Variants in PARP15 observed in about 807,000 individuals in gnomAD.
The protein encoded by PARP15 is poly(ADP-ribose) polymerase family member 15.
PARP15 carries 50 observed loss-of-function variants against 62.1 expected under a neutral mutation model. That is an observed-to-expected ratio of 0.81 (90% CI 0.64 to 1.02). PARP15 has a LOEUF of 1.02. Among genes scored for constraint, PARP15 ranks in the 50% least tolerant of loss-of-function variants. PARP15 has a pLI of 0.00. For missense variants in PARP15, 820 were observed against 826.5 expected (o/e 0.99, Z 0.10); for synonymous variants, 309 against 293.1 (o/e 1.05, Z -0.55).
At position 122,617,009 on chromosome 3, in the gene PARP15, T is replaced by G. The variant is rs760973375; in HGVS notation, c.851-6T>G. Reference sequence around the variant, plus strand: ...CCCATTCTTTACCTATTTTCTTTCTTTTCAGGTGTGGTCGGGACTGTCTCT... The same window carrying G: ...CCCATTCTTTACCTATTTTCTTTCTGTTCAGGTGTGGTCGGGACTGTCTCT... On this transcript the variant is annotated splice_region_variant and splice_polypyrimidine_tract_variant and intron_variant, in intron 5 of 11. Transcript: ENST00000464300. 1.2e-5 allele frequency: 19 copies of G among 1,613,258 alleles called. No homozygotes were observed. The South Asian group carries it at 2.0e-4, about 17-fold the overall frequency.
chr3:122,635,396 C>T (rs543832796), intron 11 of PARP15, among the ~76,000 whole-genome samples: 2 of 151,608 alleles, frequency 1.3e-5, no homozygotes, highest in East Asian at 1.9e-4. Context: ...ATAACTTTAA[C>T]GTGCAGTTTT....
rs947005514 is a variant in PARP15 at position 122,636,221 on chromosome 3, A to C, written c.*121A>C. 64 of 1,011,030 alleles carry C rather than the reference A, an allele frequency of 6.3e-5. No individual in the cohort carries two copies. Among genetic ancestry groups the C allele is most frequent in the Admixed American group, 8.6e-5 (3 of 35,074 alleles). The allele number at this position is 1,011,030 out of a possible 1,614,324, so 62.6% of individuals were successfully genotyped here. A position where few individuals can be genotyped will look rare whatever the true frequency, so the allele number is the denominator to read the frequency against. On this transcript the variant is annotated 3_prime_UTR_variant, in exon 12 of 12. Coordinates refer to ENST00000464300, the MANE Select transcript of PARP15 (RefSeq NM_001113523.3). ...TTCCCTTTTAGGTGCCAAAATGCTG[A>C]AAATTACCTTTTTAAAGTGCTCTAT...
At chr3:122,622,056 C>T (rs1262678735) in intron 8 of PARP15, among the ~76,000 whole-genome samples, 2 of 152,244 alleles carry the variant, frequency 1.3e-5, no homozygotes, top group African/African-American at 4.8e-5. Context: ...GCCTCAGCCT[C>T]CCTAAGTGCT....
chr3:122,589,030 G>A (rs780383954), intron 1 of PARP15, among the ~76,000 whole-genome samples: 28 of 152,250 alleles, frequency 1.8e-4, no homozygotes, highest in Non-Finnish European at 2.8e-4. Flanking sequence ...TAATGCTGCC[G>A]TGAACATTTG....
In PARP15 at chr3:122,638,570, A is replaced by G. The variant is rs1365446673; in HGVS notation, c.*2470A>G. The G allele has an allele frequency of 6.6e-6, 1 of 152,028 alleles. No individual in the cohort carries two copies. The highest frequency in any genetic ancestry group is 1.5e-5 in the Non-Finnish European group (1 of 68,014). The allele number at this position is 152,028 out of a possible 1,614,324, so 9.4% of individuals were successfully genotyped here. A position where few individuals can be genotyped will look rare whatever the true frequency, so the allele number is the denominator to read the frequency against. ...GGCCAGTGATGATGAGCATTTTTTC[A>G]TGTGTTTTTTGGCTGCATAAATGTC... On this transcript the variant is annotated 3_prime_UTR_variant, in exon 12 of 12. Transcript: ENST00000464300.
chr3:122,626,814 AT>A lies in PARP15; in HGVS notation c.1232-4del, dbSNP rs764448844. The A allele has an allele frequency of 1.2e-5, 19 of 1,586,596 alleles. No individual in the cohort carries two copies. The highest frequency in any genetic ancestry group is 3.5e-5 in the Admixed American group (2 of 56,700). On this transcript the variant is annotated splice_polypyrimidine_tract_variant and intron_variant, in intron 8 of 11. Transcript: ENST00000464300. ...TCGGGGGAAACTTCTTTGTCATTAA[AT>A]TTTTTTTTCAGGAAATGCCGGAAAA...
intron 4 of PARP15, among the ~76,000 whole-genome samples, chr3:122,613,934 C>T (rs1391816500): frequency 6.6e-6 from 1 of 151,554 alleles, no homozygotes; most frequent in Non-Finnish European, 1.5e-5. Context: ...CAGCCTCCGC[C>T]TCCTGGGCTC....
At chr3:122,606,888 A>G (rs16833242) in intron 2 of PARP15, among the ~76,000 whole-genome samples, 19,856 of 152,170 alleles carry the variant, frequency 0.13, 3,712 homozygotes, top group African/African-American at 0.42. Context: ...CAGAAAGAGA[A>G]CTCTGCTGAG....
intron 2 of PARP15, among the ~76,000 whole-genome samples, chr3:122,606,363 T>G (rs1205579393): frequency 6.6e-6 from 1 of 152,226 alleles, no homozygotes; most frequent in Non-Finnish European, 1.5e-5. Context: ...TTTTCTCTCC[T>G]GCACCAGTCA....
intron 1 of PARP15, among the ~76,000 whole-genome samples, chr3:122,593,090 G>GTCCA (rs1553727449): frequency 6.8e-6 from 1 of 147,752 alleles, no homozygotes; most frequent in Non-Finnish European, 1.5e-5. Flanking sequence ...AAAATTATCT[G>GTCCA]TCTATCTATC....
chr3:122,627,141 C>A, intron 9 of PARP15, 108 bp downstream of exon 9: 1 of 949,240 alleles, frequency 1.1e-6, no homozygotes, highest in Non-Finnish European at 1.6e-6. Context: ...CGTTTTAGGA[C>A]TTTTCAGACA....
At chr3:122,591,017 T>C (rs1933868913) in intron 1 of PARP15, among the ~76,000 whole-genome samples, 1 of 152,240 alleles carries the variant, frequency 6.6e-6, no homozygotes, top group South Asian at 2.1e-4. Flanking sequence ...CTTTACAAAA[T>C]ATAATGTTTA....
chr3:122,584,545 T>C (rs1477241077), intron 1 of PARP15, among the ~76,000 whole-genome samples: 1 of 150,762 alleles, frequency 6.6e-6, no homozygotes, highest in African/African-American at 2.4e-5. Context: ...GTTTTTATCA[T>C]GTTAAGGAAA....
intron 2 of PARP15, among the ~76,000 whole-genome samples, chr3:122,608,095 G>A (rs991058871): frequency 2.0e-5 from 3 of 151,762 alleles, no homozygotes; most frequent in Non-Finnish European, 4.4e-5. Flanking sequence ...GTACTCCATC[G>A]TCTGGCCCTA....
chr3:122,598,488 G>A (rs1576494613), intron 1 of PARP15, among the ~76,000 whole-genome samples: 1 of 151,974 alleles, frequency 6.6e-6, no homozygotes, highest in South Asian at 2.1e-4. Flanking sequence ...CCTTGACTTT[G>A]AGGGCCTCTC....
At chr3:122,617,942 A>T (rs990396982) in intron 6 of PARP15, among the ~76,000 whole-genome samples, 2 of 152,094 alleles carry the variant, frequency 1.3e-5, no homozygotes, top group Non-Finnish European at 1.5e-5. Flanking sequence ...ATGTTGGCCA[A>T]GCTGGTCTGG....
At chr3:122,603,402 A>G (rs1209875653) in intron 1 of PARP15, among the ~76,000 whole-genome samples, 3 of 151,134 alleles carry the variant, frequency 2.0e-5, no homozygotes, top group African/African-American at 7.4e-5. Context: ...ACATGTTTCT[A>G]AAAAAACCTC....
At chr3:122,618,683 C>A (rs1936143163) in intron 6 of PARP15, among the ~76,000 whole-genome samples, 1 of 152,128 alleles carries the variant, frequency 6.6e-6, no homozygotes, top group Non-Finnish European at 1.5e-5. Flanking sequence ...GAAACAGAAC[C>A]AGAGGGATTT....
intron 10 of PARP15, among the ~76,000 whole-genome samples, chr3:122,633,644 T>C (rs1228342576): frequency 6.6e-6 from 1 of 152,144 alleles, no homozygotes; most frequent in Non-Finnish European, 1.5e-5. Context: ...TGATTGAAAG[T>C]ATATGGGAGG....
Sources: allele counts gnomAD v4.1 joint callset (sites outside exome capture counted in the v4.1 genomes callset), GRCh38; gene constraint gnomAD v4.1.1; transcripts MANE v1.5; gene names NCBI Gene and HGNC (gene_info 2026-07-23, HGNC 2026-07-21).